PCDHGA1: variants seen among roughly 807,000 people sequenced by gnomAD.
PCDHGA1 encodes protocadherin gamma subfamily A, 1.
Under a neutral mutation model 58.0 loss-of-function variants are expected in PCDHGA1, and 32 were observed. The ratio of observed to expected loss-of-function variants is 0.55; its 90% CI spans 0.42 to 0.74. The LOEUF is 0.74. PCDHGA1 is among the 30% of genes least tolerant of loss of function. PCDHGA1 has a pLI of 0.00. For missense variants in PCDHGA1, 1,205 were observed against 1,182.3 expected, an observed-to-expected ratio of 1.02 and a Z score of -0.28; for synonymous variants, 498 against 501.1, an observed-to-expected ratio of 0.99 and a Z score of 0.08.
intron 1 of PCDHGA1, chr5:141,364,516 C>A: frequency 6.2e-7 from 1 of 1,614,002 alleles, no homozygotes; most frequent in Non-Finnish European, 8.5e-7. Context: ...TGGCGGAGCG[C>A]GGAGTCCGCA....
intron 1 of PCDHGA1, chr5:141,382,959 G>T: frequency 6.2e-7 from 1 of 1,607,442 alleles, no homozygotes; most frequent in Non-Finnish European, 8.5e-7. Flanking sequence ...CCATCCTCCT[G>T]GGGACCCCCT....
chr5:141,364,451 A>AAAGGCTC, intron 1 of PCDHGA1: 1 of 1,613,974 alleles, frequency 6.2e-7, no homozygotes, highest in Non-Finnish European at 8.5e-7. Context: ...GGAGCTGGAC[A>AAAGGCTC]AAGGCTCCTT....
At chr5:141,446,450 T>C (rs922188307) in intron 1 of PCDHGA1, among the ~76,000 whole-genome samples, 2 of 152,018 alleles carry the variant, frequency 1.3e-5, no homozygotes, top group Non-Finnish European at 2.9e-5. Context: ...AGTGCAGATA[T>C]TCAGTGTGTG....
intron 1 of PCDHGA1, among the ~76,000 whole-genome samples, chr5:141,407,095 T>C (rs1242751445): frequency 6.6e-6 from 1 of 152,370 alleles, no homozygotes; most frequent in East Asian, 1.9e-4. Flanking sequence ...ATTGTTTTAT[T>C]TGTTTGTAAT....
chr5:141,488,690 G>A (rs1292736219), intron 1 of PCDHGA1, among the ~76,000 whole-genome samples: 1 of 152,186 alleles, frequency 6.6e-6, no homozygotes, highest in African/African-American at 2.4e-5. Flanking sequence ...TCTCCCAGAA[G>A]GACAAGATTT....
At position 141,432,297 on chromosome 5, in the gene PCDHGA1, T is replaced by C. The variant is rs1339659774; in HGVS notation, c.2422-62510T>C. 3.1e-6 allele frequency: 5 copies of C among 1,614,040 alleles called. No individual in the cohort carries two copies. The highest frequency in any genetic ancestry group is 1.7e-5 in the Admixed American group (1 of 60,006). ...GTGTCCATCAACTCCGACACTGGGG[T>C]ACTGTATGCGCTGAGCTCCTTCGAC... On this transcript the variant is annotated intron_variant, in intron 1 of 3. Transcript: ENST00000517417. This position sits in a 1 kb window ranked among gnomAD's most constrained non-coding sequence, Gnocchi z 6.0.
Position 141,491,509 on chromosome 5 carries a change from C to T in PCDHGA1, c.2422-3298C>T. 6.2e-7 allele frequency: 1 copy of T among 1,614,058 alleles called. No individual in the cohort carries two copies. Among genetic ancestry groups the T allele is most frequent in the Non-Finnish European group, 8.5e-7 (1 of 1,180,022 alleles). On this transcript the variant is annotated intron_variant, in intron 1 of 3. Coordinates refer to ENST00000517417, the MANE Select transcript of PCDHGA1 (RefSeq NM_018912.3). The surrounding 1 kb of genome is among the most constrained non-coding windows in gnomAD (Gnocchi z 6.9). Reference sequence around the variant, plus strand: ...CCTGCAGGTGAGCTCGGACGGCACGCTCAAGTACATGGAGGTGACGCTGCG... The same window carrying T: ...CCTGCAGGTGAGCTCGGACGGCACGTTCAAGTACATGGAGGTGACGCTGCG...
At chr5:141,408,478 T>C (rs1433834175) in intron 1 of PCDHGA1, 1 of 1,614,056 alleles carries the variant, frequency 6.2e-7, no homozygotes, top group Non-Finnish European at 8.5e-7. Context: ...GAATAGACCG[T>C]GAGCAAATAT....
At chr5:141,354,049 T>A (rs1339397353) in intron 1 of PCDHGA1, among the ~76,000 whole-genome samples, 1 of 152,250 alleles carries the variant, frequency 6.6e-6, no homozygotes, top group Non-Finnish European at 1.5e-5. Flanking sequence ...GCACATGCAA[T>A]GATAATCCAT....
At position 141,341,480 on chromosome 5, in the gene PCDHGA1, A is replaced by G. The variant is rs775292538; in HGVS notation, c.2421+8375A>G. 13 of 1,578,818 alleles carry G rather than the reference A, an allele frequency of 8.2e-6. No individual in the cohort carries two copies. In the East Asian group the frequency reaches 1.6e-4, roughly 19 times the overall value. ...GTTTACTATATCTATTTTGTTCCCC[A>G]TATTTCCTTGAGGGTAGAGTCAAGT... is the stretch of plus-strand genomic sequence containing the variant. On this transcript the variant is annotated intron_variant, in intron 1 of 3. Coordinates refer to ENST00000517417, the MANE Select transcript of PCDHGA1 (RefSeq NM_018912.3).
rs966291038 is a variant in PCDHGA1, at chr5:141,487,740, G to A, written c.2422-7067G>A. 4 of 1,562,290 alleles carry A rather than the reference G, an allele frequency of 2.6e-6. No individual in the cohort carries two copies. The highest frequency in any genetic ancestry group is 1.7e-6 in the Non-Finnish European group (2 of 1,151,972). On this transcript the variant is annotated intron_variant, in intron 1 of 3. Transcript: ENST00000517417. The surrounding 1 kb of genome is among the most constrained non-coding windows in gnomAD (Gnocchi z 5.0). ...CATAGTGATGTCACCATTTTTGTAAGAGGTAACTATGTGGTAGACGCTGTG... is the reference window on the plus strand; with the variant it reads ...CATAGTGATGTCACCATTTTTGTAAAAGGTAACTATGTGGTAGACGCTGTG...
At chr5:141,418,287 G>C in intron 1 of PCDHGA1, 1 of 1,614,020 alleles carries the variant, frequency 6.2e-7, no homozygotes, top group South Asian at 1.1e-5. Context: ...TTAGAAATCA[G>C]TGAATCCGTC....
intron 1 of PCDHGA1, among the ~76,000 whole-genome samples, chr5:141,450,894 G>C (rs919860611): frequency 6.7e-6 from 1 of 148,956 alleles, no homozygotes; most frequent in Admixed American, 6.7e-5. Context: ...GTGCGATATC[G>C]GCTCACTGCA....
Position 141,422,343 on chromosome 5 carries a change from G to T in PCDHGA1, c.2422-72464G>T, listed in dbSNP as rs764862139. ...GTACAGTGATTGCTCTTCTAAATGT[G>T]CAAGATCAAGATTCTGGAGAAAATG... On this transcript the variant is annotated intron_variant, in intron 1 of 3. Transcript: ENST00000517417. 1.9e-6 allele frequency: 3 copies of T among 1,551,388 alleles called. No individual in the cohort carries two copies. The East Asian group carries it at 6.7e-5, about 35-fold the overall frequency.
intron 1 of PCDHGA1, among the ~76,000 whole-genome samples, chr5:141,459,035 A>T (rs1404092581): frequency 6.6e-6 from 1 of 152,218 alleles, no homozygotes; most frequent in Non-Finnish European, 1.5e-5. Context: ...ATCCAGCCTT[A>T]CCAGCTATAT....
intron 1 of PCDHGA1, chr5:141,344,638 G>A: frequency 6.2e-7 from 1 of 1,613,936 alleles, no homozygotes; most frequent in Non-Finnish European, 8.5e-7. Flanking sequence ...GCCCTGGACC[G>A]TGAGAAAAAA....
chr5:141,400,314 C>G (rs764415393), intron 1 of PCDHGA1: 1 of 1,614,078 alleles, frequency 6.2e-7, no homozygotes, highest in Non-Finnish European at 8.5e-7. Flanking sequence ...GTCTCTGTGT[C>G]AAGTCTGGAC....
At position 141,332,231 on chromosome 5, in the gene PCDHGA1, C is replaced by T; in HGVS notation, c.1547C>T (p.Ala516Val). 1 of 1,614,222 alleles carries T rather than the reference C, an allele frequency of 6.2e-7. No individual in the cohort carries two copies. Among genetic ancestry groups the T allele is most frequent in the Non-Finnish European group, 8.5e-7 (1 of 1,180,040 alleles). The change falls in exon 1 of 4, where the codon GCG becomes GTG. Residue 516 changes from alanine (A) to valine (V), a missense_variant. Coordinates refer to ENST00000517417, the MANE Select transcript of PCDHGA1 (RefSeq NM_018912.3). The surrounding 1 kb of genome is among the most constrained non-coding windows in gnomAD (Gnocchi z 4.6). ...SINSDTGVLY[A>V]LRSFDYEQFR... The stretch of plus-strand genomic sequence containing the variant: ...AACTCCGACACTGGGGTCCTGTATG[C>T]GCTGCGATCCTTCGACTATGAGCAG...
intron 1 of PCDHGA1, chr5:141,339,578 G>C (rs755322315): frequency 1.2e-6 from 2 of 1,614,206 alleles, no homozygotes. Flanking sequence ...TCTGGACCGC[G>C]AGGAAGAGGC....
Sources: gnomAD v4.1 joint callset for allele counts (sites outside exome capture counted in the v4.1 genomes callset) on GRCh38, gnomAD v4.1.1 for gene constraint, Gnocchi (gnomAD v3.1) non-coding constraint, MANE v1.5 for transcripts, NCBI Gene and HGNC (gene_info 2026-07-23, HGNC 2026-07-21) for gene names.